GPR63: variants seen among roughly 807,000 people sequenced by gnomAD.
GPR63 encodes the protein G protein-coupled receptor 63.
In GPR63, 12 loss-of-function variants were observed where a neutral mutation model predicts 23.1. The observed-to-expected ratio is 0.52, with a 90% confidence interval of 0.33 to 0.84. The LOEUF is 0.84. Ranked by LOEUF, GPR63 falls within the 40% of genes least tolerant of loss-of-function variation. GPR63 has a pLI of 0.02. For synonymous variants in GPR63, 172 were observed against 191.1 expected, an observed-to-expected ratio of 0.90 and a Z score of 0.82; for missense variants, 472 against 515.6, an observed-to-expected ratio of 0.92 and a Z score of 0.82.
At chr6:96,814,274 G>A (rs1036034403) in intron 1 of GPR63, among the ~76,000 whole-genome samples, 49 of 152,186 alleles carry the variant, frequency 3.2e-4, no homozygotes, top group African/African-American at 1.0e-3. Flanking sequence ...ACAGTAGAGC[G>A]AGGATTGGAA....
rs529899518 is a variant in GPR63 at position 96,795,272 on chromosome 6, T to G, written c.*3200A>C. The stretch of plus-strand genomic sequence containing the variant: ...ACCACAAATATTTCATTATCTCTTT[T>G]ACGCTTCTTACTAGCCAGAAGGAAA... On this transcript the variant is annotated 3_prime_UTR_variant, in exon 2 of 2. Coordinates refer to ENST00000229955, the MANE Select transcript of GPR63 (RefSeq NM_030784.4). The G allele has an allele frequency of 2.4e-4, 36 of 152,346 alleles. No individual in the cohort carries two copies. The highest frequency in any genetic ancestry group is 8.7e-4 in the African/African-American group (36 of 41,578). The allele number at this position is 152,346 out of a possible 1,614,324, so 9.4% of individuals were successfully genotyped here. A position where few individuals can be genotyped will look rare whatever the true frequency, so the allele number is the denominator to read the frequency against.
intron 1 of GPR63, among the ~76,000 whole-genome samples, chr6:96,813,925 T>C (rs1764479672): frequency 6.6e-6 from 1 of 152,146 alleles, no homozygotes; most frequent in Non-Finnish European, 1.5e-5. Context: ...GACTACCTGA[T>C]GATACTAAAC....
At chr6:96,803,770 C>A (rs551175628) in intron 1 of GPR63, among the ~76,000 whole-genome samples, 2 of 152,188 alleles carry the variant, frequency 1.3e-5, no homozygotes, top group African/African-American at 4.8e-5. Context: ...TTCACACTTA[C>A]AATTTGTATT....
intron 1 of GPR63, among the ~76,000 whole-genome samples, chr6:96,821,957 A>G (rs925147428): frequency 6.6e-6 from 1 of 152,108 alleles, no homozygotes. Flanking sequence ...TAGAAATTTC[A>G]TAGAACGTAG....
At chr6:96,811,734 G>A (rs117719717) in intron 1 of GPR63, among the ~76,000 whole-genome samples, 1,767 of 152,054 alleles carry the variant, frequency 0.012, 18 homozygotes, top group Non-Finnish European at 0.02. Flanking sequence ...AATGGGAGTC[G>A]AAGGACACAC....
At position 96,798,505 on chromosome 6, in the gene GPR63, G is replaced by A. The variant is rs145975339; in HGVS notation, c.1227C>T (p.Val409=). The change falls in exon 2 of 2, where the codon GTC becomes GTT. Residue 409 remains valine (V), a synonymous_variant. Transcript: ENST00000229955. ...CCGTCCGATGTTCCCCACACACATAGACAGCACTAGGACGTATCCGTCGCT... is the reference window on the plus strand; with the variant it reads ...CCGTCCGATGTTCCCCACACACATAAACAGCACTAGGACGTATCCGTCGCT... ...HTKRRIRPSA[V]YVCGEHRTVV is the part of the protein sequence containing the mutation. 2 of 1,614,046 alleles carry A rather than the reference G, an allele frequency of 1.2e-6. No individual in the cohort carries two copies. The highest frequency in any genetic ancestry group is 1.3e-5 in the African/African-American group (1 of 74,934).
At chr6:96,829,228 C>T (rs1277993047) in intron 1 of GPR63, among the ~76,000 whole-genome samples, 1 of 152,182 alleles carries the variant, frequency 6.6e-6, no homozygotes, top group African/African-American at 2.4e-5. Flanking sequence ...GTAGAGAACA[C>T]CTGCCATTGT....
chr6:96,831,332 C>T (rs925597408), intron 1 of GPR63, among the ~76,000 whole-genome samples: 1 of 151,382 alleles, frequency 6.6e-6, no homozygotes, highest in East Asian at 2.0e-4. Flanking sequence ...TGGATTGAGG[C>T]TAAATCTCTA....
At chr6:96,826,942 C>CA (rs1469130066) in intron 1 of GPR63, among the ~76,000 whole-genome samples, 1 of 151,244 alleles carries the variant, frequency 6.6e-6, no homozygotes, top group Non-Finnish European at 1.5e-5. Flanking sequence ...GTACAGCACC[C>CA]AAGCTAGCAG....
chr6:96,812,379 G>A (rs1246769297), intron 1 of GPR63, among the ~76,000 whole-genome samples: 1 of 152,068 alleles, frequency 6.6e-6, no homozygotes, highest in Admixed American at 6.6e-5. Flanking sequence ...TTTAAAAAAT[G>A]AGATTATTAA....
At chr6:96,832,976 T>C (rs1297727126) in intron 1 of GPR63, among the ~76,000 whole-genome samples, 1 of 152,160 alleles carries the variant, frequency 6.6e-6, no homozygotes, top group Non-Finnish European at 1.5e-5. Flanking sequence ...AAATGAATAA[T>C]GCAAAAGAAG....
chr6:96,827,097 C>G (rs1297691360), intron 1 of GPR63, among the ~76,000 whole-genome samples: 1 of 138,282 alleles, frequency 7.2e-6, no homozygotes, highest in Non-Finnish European at 1.6e-5. Context: ...AATAAAGCAA[C>G]ATGAGTGATT....
At chr6:96,804,935 C>A (rs538152812) in intron 1 of GPR63, among the ~76,000 whole-genome samples, 1 of 152,226 alleles carries the variant, frequency 6.6e-6, no homozygotes, top group East Asian at 1.9e-4. Context: ...TTTTAGAAAT[C>A]CTAAAATTAA....
At chr6:96,810,383 C>A (rs1176276174) in intron 1 of GPR63, among the ~76,000 whole-genome samples, 1 of 151,760 alleles carries the variant, frequency 6.6e-6, no homozygotes, top group African/African-American at 2.4e-5. Flanking sequence ...CTAATCCCAG[C>A]TACTCAGTAG....
rs5878448 is a variant in GPR63, at chr6:96,810,497, G to GA, written c.-150-10617dup. ...GCGACAGTGCGAGACTCCGTCCCAG[G>GA]AAAAAAAAAAAAAAAAGATAACAGT... On this transcript the variant is annotated intron_variant, in intron 1 of 1. Transcript: ENST00000229955. Among the ~76,000 whole-genome samples the GA allele has an allele frequency of 1.5e-3, 185 of 126,728 alleles. 1 individual carries two copies. The highest frequency in any genetic ancestry group is 4.2e-3 in the Middle Eastern group (1 of 238). 83.1% of individuals were successfully genotyped at this position (126,728 alleles called of 152,430 possible).
chr6:96,798,748 G>T lies in GPR63; in HGVS notation c.984C>A (p.Ala328=). Residue 328 remains alanine (A), a synonymous_variant, in exon 2 of 2, where the codon GCC becomes GCA. Coordinates refer to ENST00000229955, the MANE Select transcript of GPR63 (RefSeq NM_030784.4). ...ILFAVFIVCW[A]PFTTYSLVAT... ...CCACAAGGCTGTAAGTGGTGAATGG[G>T]GCCCAGCAGACAATGAAGACAGCAA... The T allele has an allele frequency of 6.2e-7, 1 of 1,614,174 alleles. No homozygotes were observed. The highest frequency in any genetic ancestry group is 8.5e-7 in the Non-Finnish European group (1 of 1,180,038).
rs200487694 is a variant in GPR63 at position 96,798,890 on chromosome 6, T to C, written c.842A>G (p.Glu281Gly). Residue 281 changes from glutamate (E) to glycine (G), a missense_variant, in exon 2 of 2, where the codon GAA becomes GGA. Glu to Gly is a moderately conservative substitution (Grantham distance 98). Transcript: ENST00000229955. ...HNALRIHSYP[E>G]GICLSQASKL... ...GCTGGCCTGGCTGAGGCATATACCT[T>C]CAGGGTAGCTATGGATCCTCAAGGC... is the stretch of plus-strand genomic sequence containing the variant. 1 of 1,614,170 alleles carries C rather than the reference T, an allele frequency of 6.2e-7. No individual in the cohort carries two copies. The highest frequency in any genetic ancestry group is 1.3e-5 in the African/African-American group (1 of 75,036).
chr6:96,808,653 T>C (rs968900703), intron 1 of GPR63, among the ~76,000 whole-genome samples: 2 of 152,182 alleles, frequency 1.3e-5, no homozygotes, highest in Non-Finnish European at 2.9e-5. Context: ...TGCTGAGGGC[T>C]TCCATAAAAC....
At chr6:96,819,886 G>C (rs1291165052) in intron 1 of GPR63, among the ~76,000 whole-genome samples, 2 of 147,756 alleles carry the variant, frequency 1.4e-5, no homozygotes, top group Non-Finnish European at 3.0e-5. Context: ...TGAGGCGGGA[G>C]AATGGCGTCG....
Sources: allele counts gnomAD v4.1 joint callset (sites outside exome capture counted in the v4.1 genomes callset), GRCh38; gene constraint gnomAD v4.1.1; transcripts MANE v1.5; gene names NCBI Gene and HGNC (gene_info 2026-07-23, HGNC 2026-07-21).